The following SNX18 variants were observed in gnomAD, a reference collection of about 807,000 sequenced individuals.
SNX18 encodes the protein sorting nexin 18.
Under a neutral mutation model 48.7 loss-of-function variants are expected in SNX18, and 35 were observed. The observed-to-expected ratio is 0.72, with a 90% confidence interval of 0.55 to 0.95. The LOEUF is 0.95. SNX18 is among the 40% of genes least tolerant of loss of function. The pLI is 0.00. For synonymous variants in SNX18, 492 were observed against 384.7 expected (o/e 1.28, Z -3.26); for missense variants, 824 against 871.0 (o/e 0.95, Z 0.68).
intron 1 of SNX18, chr5:54,520,108 C>A: frequency 2.6e-6 from 1 of 381,634 alleles, no homozygotes; most frequent in Non-Finnish European, 4.9e-6. Context: ...AGAATTCTTG[C>A]CTGCAACCTT....
the SNX18 span, among the ~76,000 whole-genome samples, chr5:54,646,357 G>A: frequency 6.6e-5 from 10 of 152,310 alleles, no homozygotes; most frequent in South Asian, 2.1e-3. Context: ...TATCCCTGTG[G>A]GTGAAAAACA....
At chr5:54,623,881 C>G in the SNX18 span, among the ~76,000 whole-genome samples, 2 of 152,180 alleles carry the variant, frequency 1.3e-5, no homozygotes, top group Non-Finnish European at 2.9e-5. Context: ...AGATGCATCA[C>G]TCTTCCCTAT....
chr5:54,543,216 G>A lies in SNX18; in HGVS notation c.1659G>A (p.Val553=). 1 of 1,614,108 alleles carries A rather than the reference G, an allele frequency of 6.2e-7. No homozygotes were observed. Among genetic ancestry groups the A allele is most frequent in the Non-Finnish European group, 8.5e-7 (1 of 1,180,010 alleles). ...AAGTCAAGGAGAGTAGGCGACACGT[G>A]GAGGAAGGGAAGATGGAGGTGCAGA... ...LTKVKESRRH[V]EEGKMEVQKA... Residue 553 remains valine, a synonymous_variant, in exon 2 of 2, where the codon GTG becomes GTA. Coordinates refer to ENST00000381410, the MANE Select transcript of SNX18 (RefSeq NM_001102575.2).
At chr5:54,589,565 G>A in the SNX18 span, among the ~76,000 whole-genome samples, 1 of 152,228 alleles carries the variant, frequency 6.6e-6, no homozygotes, top group Admixed American at 6.5e-5. Context: ...AGAATTTGAA[G>A]TACAAAGAAT....
chr5:54,591,166 T>G, the SNX18 span, among the ~76,000 whole-genome samples: 1 of 19,618 alleles, frequency 5.1e-5, no homozygotes, highest in African/African-American at 9.1e-5. Context: ...TTTTGTTTTT[T>G]GGGTTTTTTT....
the SNX18 span, among the ~76,000 whole-genome samples, chr5:54,580,234 A>T: frequency 6.6e-6 from 1 of 152,172 alleles, no homozygotes; most frequent in Admixed American, 6.5e-5. Flanking sequence ...AACAAATACT[A>T]GTCTCTGTCA....
the SNX18 span, among the ~76,000 whole-genome samples, chr5:54,571,850 C>T: frequency 9.2e-5 from 14 of 152,180 alleles, no homozygotes; most frequent in East Asian, 1.4e-3. Flanking sequence ...GCAGGGGTTT[C>T]GGGGGAGACT....
chr5:54,565,937 T>A, the SNX18 span, among the ~76,000 whole-genome samples: 1,117 of 152,316 alleles, frequency 7.3e-3, 13 homozygotes, highest in African/African-American at 0.025. Flanking sequence ...TTCTGGGCCA[T>A]ATGTGGAGAT....
chr5:54,601,391 C>T, the SNX18 span, among the ~76,000 whole-genome samples: 4 of 152,084 alleles, frequency 2.6e-5, no homozygotes, highest in Non-Finnish European at 5.9e-5. Context: ...ACTCTGAGGC[C>T]CTTTGTATCT....
chr5:54,521,569 C>T (rs951141364), intron 1 of SNX18, among the ~76,000 whole-genome samples: 1 of 151,468 alleles, frequency 6.6e-6, no homozygotes, highest in African/African-American at 2.4e-5. Context: ...GGCATGGTGG[C>T]TCATACCTAT....
the SNX18 span, among the ~76,000 whole-genome samples, chr5:54,587,288 A>G: frequency 2.6e-5 from 4 of 152,226 alleles, no homozygotes. Flanking sequence ...ACAAAAGGTT[A>G]TAAACAGGTT....
the SNX18 span, among the ~76,000 whole-genome samples, chr5:54,581,434 G>C: frequency 6.6e-6 from 1 of 151,832 alleles, no homozygotes; most frequent in African/African-American, 2.4e-5. Flanking sequence ...CAGAAATGAG[G>C]GTTTTTAAAA....
chr5:54,585,130 A>G, the SNX18 span, among the ~76,000 whole-genome samples: 3 of 151,996 alleles, frequency 2.0e-5, no homozygotes, highest in Non-Finnish European at 4.4e-5. Flanking sequence ...CATCTCTACA[A>G]TAAATTTTTA....
chr5:54,573,248 C>G, the SNX18 span, among the ~76,000 whole-genome samples: 2 of 152,282 alleles, frequency 1.3e-5, no homozygotes, highest in Admixed American at 1.3e-4. Context: ...ACGCGTTCCT[C>G]CTTACTTTCA....
At chr5:54,556,606 A>G in the SNX18 span, among the ~76,000 whole-genome samples, 11 of 152,230 alleles carry the variant, frequency 7.2e-5, no homozygotes, top group Non-Finnish European at 1.6e-4. Flanking sequence ...CTTGCCATGA[A>G]CATAGCCTAT....
chr5:54,634,780 CAT>C, the SNX18 span, among the ~76,000 whole-genome samples: 1 of 151,978 alleles, frequency 6.6e-6, no homozygotes, highest in African/African-American at 2.4e-5. Flanking sequence ...GGCTGAAAGA[CAT>C]ATAATACATT....
the SNX18 span, among the ~76,000 whole-genome samples, chr5:54,611,583 C>T: frequency 6.6e-6 from 1 of 152,172 alleles, no homozygotes; most frequent in African/African-American, 2.4e-5. Flanking sequence ...GAAGAGGATG[C>T]CAGCTAGGAA....
chr5:54,585,027 C>T, the SNX18 span, among the ~76,000 whole-genome samples: 2 of 152,188 alleles, frequency 1.3e-5, no homozygotes, highest in Non-Finnish European at 2.9e-5. Context: ...CATGATGGCT[C>T]ACGCCTGTAA....
At chr5:54,565,421 A>T in the SNX18 span, among the ~76,000 whole-genome samples, 3 of 152,160 alleles carry the variant, frequency 2.0e-5, no homozygotes, top group African/African-American at 7.2e-5. Flanking sequence ...GAAAGAAAAA[A>T]AAAATACTGG....
Sources: gnomAD v4.1 joint callset for allele counts (sites outside exome capture counted in the v4.1 genomes callset) on GRCh38, gnomAD v4.1.1 for gene constraint, MANE v1.5 for transcripts, NCBI Gene and HGNC (gene_info 2026-07-23, HGNC 2026-07-21) for gene names.